UVRAG: variants seen among roughly 807,000 people sequenced by gnomAD.
The protein encoded by UVRAG is UV radiation resistance associated, also known as UV radiation resistance-associated gene protein.
A neutral mutation model predicts 78.0 loss-of-function variants in UVRAG; 19 were observed. The ratio of observed to expected loss-of-function variants is 0.24; its 90% confidence interval spans 0.17 to 0.36. The LOEUF (loss-of-function observed/expected upper bound fraction) is 0.36. Among genes scored for constraint, UVRAG ranks in the 10% least tolerant of loss-of-function variants. UVRAG has a pLI of 1.00. For missense variants in UVRAG, 740 were observed against 853.8 expected (o/e 0.87, Z 1.66); for synonymous variants, 323 against 324.6 (o/e 1.00, Z 0.05).
rs531423809 is a variant in UVRAG, at chr11:76,140,107, C to A, written c.1398-604C>A. The stretch of plus-strand genomic sequence containing the variant: ...CCCCTCTCCCCCTCCCTCCCTCCCT[C>A]CCTCCCTCTCTCTCTCTCTCTCTCT... On this transcript the variant is annotated intron_variant, in intron 14 of 14. Transcript: ENST00000356136. Among the ~76,000 whole-genome samples the A allele has an allele frequency of 7.0e-3, 210 of 29,944 alleles. 22 individuals carry two copies. The highest frequency in any genetic ancestry group is 0.035 in the African/African-American group (196 of 5,632). The allele number at this position is 29,944 out of a possible 152,430, so 19.6% of individuals were successfully genotyped here. A position where few individuals can be genotyped will look rare whatever the true frequency, so the allele number is the denominator to read the frequency against.
chr11:76,044,622 A>C (rs898058088), intron 12 of UVRAG, among the ~76,000 whole-genome samples: 1 of 151,990 alleles, frequency 6.6e-6, no homozygotes, highest in Non-Finnish European at 1.5e-5. Context: ...AATATCAAAA[A>C]CATTAGCCGG....
intron 1 of UVRAG, among the ~76,000 whole-genome samples, chr11:75,845,709 G>A (rs1946016978): frequency 6.6e-6 from 1 of 152,178 alleles, no homozygotes; most frequent in Admixed American, 6.5e-5. Context: ...TTGAGGGGTG[G>A]AGCATGGGAA....
chr11:75,978,790 A>C (rs561432616), intron 7 of UVRAG, among the ~76,000 whole-genome samples: 12 of 152,304 alleles, frequency 7.9e-5, no homozygotes, highest in African/African-American at 2.9e-4. Context: ...CAAAGTTTTT[A>C]GCTTCTTTGA....
intron 13 of UVRAG, among the ~76,000 whole-genome samples, chr11:76,099,644 C>A (rs1467700365): frequency 6.6e-6 from 1 of 152,016 alleles, no homozygotes; most frequent in East Asian, 1.9e-4. Context: ...TCTTTTACAT[C>A]CCTCAATAGA....
intron 12 of UVRAG, among the ~76,000 whole-genome samples, chr11:76,023,493 AT>A (rs111840151): frequency 0.19 from 28,154 of 151,890 alleles, 4,545 homozygotes; most frequent in African/African-American, 0.43. Context: ...CTGCTTGAAC[AT>A]TTGTTAGCTG....
chr11:76,121,724 C>A (rs1952280171), intron 14 of UVRAG, among the ~76,000 whole-genome samples: 1 of 152,202 alleles, frequency 6.6e-6, no homozygotes, highest in Non-Finnish European at 1.5e-5. Context: ...TCATTTGTGA[C>A]CTCCGTTCTT....
intron 12 of UVRAG, among the ~76,000 whole-genome samples, chr11:76,033,299 AGAG>A: frequency 1.3e-5 from 2 of 152,220 alleles, no homozygotes; most frequent in African/African-American, 4.8e-5. Context: ...AGAAGAATAG[AGAG>A]AATTTATATA....
At chr11:76,089,286 T>A (rs1951652014) in intron 13 of UVRAG, among the ~76,000 whole-genome samples, 1 of 152,184 alleles carries the variant, frequency 6.6e-6, no homozygotes, top group African/African-American at 2.4e-5. Flanking sequence ...TTGTTATATG[T>A]TGAGTGACTT....
chr11:75,929,557 G>T (rs1376857674), intron 6 of UVRAG, among the ~76,000 whole-genome samples: 1 of 152,150 alleles, frequency 6.6e-6, no homozygotes, highest in African/African-American at 2.4e-5. Flanking sequence ...TGGCCTCAGC[G>T]TGCTCAGTCA....
chr11:76,120,996 T>C (rs1386660019), intron 14 of UVRAG, among the ~76,000 whole-genome samples: 1 of 152,202 alleles, frequency 6.6e-6, no homozygotes, highest in Non-Finnish European at 1.5e-5. Flanking sequence ...TGGAGGCAGA[T>C]TGCTGTATGT....
chr11:75,877,921 C>A (rs1277562627), intron 3 of UVRAG, among the ~76,000 whole-genome samples: 18 of 149,926 alleles, frequency 1.2e-4, no homozygotes, highest in Admixed American at 1.2e-3. Context: ...GCTGACCCCC[C>A]CACCTCCCTC....
intron 12 of UVRAG, among the ~76,000 whole-genome samples, chr11:76,060,507 C>G (rs1951062690): frequency 6.6e-6 from 1 of 152,238 alleles, no homozygotes; most frequent in African/African-American, 2.4e-5. Context: ...GTGGGAGCCC[C>G]TTTCTGGGCT....
intron 6 of UVRAG, among the ~76,000 whole-genome samples, chr11:75,941,009 T>C (rs1217602192): frequency 6.6e-6 from 1 of 152,182 alleles, no homozygotes; most frequent in Non-Finnish European, 1.5e-5. Context: ...TATCTGTCAT[T>C]CTGAACTGTT....
chr11:76,007,560 A>G lies in UVRAG; in HGVS notation c.938A>G (p.Gln313Arg). The change falls in exon 10 of 15, where the codon CAG becomes CGG. Residue 313 changes from glutamine to arginine, a missense_variant. Gln to Arg is a conservative substitution (Grantham distance 43, BLOSUM62 1). Coordinates refer to ENST00000356136, the MANE Select transcript of UVRAG (RefSeq NM_003369.4). ...GAACTCTTCTTGAAGACTAATGCTC[A>G]GTTGACAATTCGTTGCAGGCAGTTA... The part of the protein sequence containing the change: ...KRELFLKTNA[Q>R]LTIRCRQLLS... 2 of 1,613,868 alleles carry G rather than the reference A, an allele frequency of 1.2e-6. No individual in the cohort carries two copies. Among genetic ancestry groups the G allele is most frequent in the Middle Eastern group, 1.7e-4 (1 of 6,048 alleles).
intron 4 of UVRAG, among the ~76,000 whole-genome samples, chr11:75,884,863 A>T (rs575484728): frequency 6.6e-6 from 1 of 152,204 alleles, no homozygotes; most frequent in African/African-American, 2.4e-5. Context: ...ATTTCTGGCT[A>T]TTCTAGGTCT....
intron 1 of UVRAG, among the ~76,000 whole-genome samples, chr11:75,837,018 C>T (rs1413324103): frequency 1.3e-5 from 2 of 152,070 alleles, no homozygotes; most frequent in Non-Finnish European, 2.9e-5. Flanking sequence ...CCACCCTAAT[C>T]CCCCACCACC....
intron 12 of UVRAG, among the ~76,000 whole-genome samples, chr11:76,036,355 A>G (rs1030646458): frequency 6.6e-6 from 1 of 152,110 alleles, no homozygotes; most frequent in African/African-American, 2.4e-5. Context: ...TTGAGACTTC[A>G]GCCTAGGCAA....
chr11:75,868,960 T>C (rs191736515), intron 3 of UVRAG, among the ~76,000 whole-genome samples: 57 of 152,364 alleles, frequency 3.7e-4, no homozygotes, highest in African/African-American at 1.3e-3. Context: ...AGAAGAGGTA[T>C]CAATTATAAG....
chr11:75,968,867 A>G (rs1379108154), intron 7 of UVRAG, among the ~76,000 whole-genome samples: 1 of 152,254 alleles, frequency 6.6e-6, no homozygotes, highest in Non-Finnish European at 1.5e-5. Flanking sequence ...TCAGTGATGT[A>G]AGAACACCTT....
Sources: gnomAD v4.1 joint callset for allele counts (sites outside exome capture counted in the v4.1 genomes callset) on GRCh38, gnomAD v4.1.1 for gene constraint, MANE v1.5 for transcripts, NCBI Gene and HGNC (gene_info 2026-07-23, HGNC 2026-07-21) for gene names.